The following DGKG variants were observed in gnomAD, a reference collection of about 807,000 sequenced individuals.
DGKG encodes the protein DAG kinase gamma.
A neutral mutation model predicts 105.3 loss-of-function variants in DGKG; 78 were observed. The ratio of observed to expected loss-of-function variants is 0.74; its 90% CI spans 0.62 to 0.89. DGKG has a LOEUF of 0.89. Ranked by LOEUF, DGKG falls within the 40% of genes least tolerant of loss-of-function variation. DGKG has a pLI of 0.00. For missense variants in DGKG, 958 were observed against 1,020.1 expected, an observed-to-expected ratio of 0.94 and a Z score of 0.83; for synonymous variants, 346 against 367.1, an observed-to-expected ratio of 0.94 and a Z score of 0.66.
intron 20 of DGKG, among the ~76,000 whole-genome samples, chr3:186,233,009 G>A (rs1026495052): frequency 6.6e-5 from 10 of 152,134 alleles, no homozygotes; most frequent in African/African-American, 2.2e-4. Context: ...ATAGATCCTC[G>A]AAATAAGCCT....
intron 1 of DGKG, among the ~76,000 whole-genome samples, chr3:186,351,089 A>G (rs1451359934): frequency 6.6e-6 from 1 of 152,122 alleles, no homozygotes; most frequent in Admixed American, 6.5e-5. Flanking sequence ...TTCTTCTAGG[A>G]GTCCTTTTCA....
At chr3:186,185,183 G>A (rs1191054473) in intron 22 of DGKG, among the ~76,000 whole-genome samples, 1 of 152,182 alleles carries the variant, frequency 6.6e-6, no homozygotes, top group East Asian at 1.9e-4. Flanking sequence ...TGCCTCTTTA[G>A]CTTTTCCCAT....
At position 186,320,559 on chromosome 3, in the gene DGKG, G is replaced by C; in HGVS notation, c.-100C>G. 1.3e-6 allele frequency: 2 copies of C among 1,593,826 alleles called. No homozygotes were observed. The highest frequency in any genetic ancestry group is 1.7e-6 in the Non-Finnish European group (2 of 1,168,994). ...AGGGCCTGGCTCATTGCAGGTTTGC[G>C]ATGTAAGCCTTTCAGGAGACTTCTG... On this transcript the variant is annotated 5_prime_UTR_variant, in exon 2 of 25. In the 5' UTR this introduces an upstream ATG that the reference lacks. Transcript: ENST00000265022.
intron 20 of DGKG, among the ~76,000 whole-genome samples, chr3:186,230,866 G>A (rs1025608075): frequency 1.3e-5 from 2 of 152,214 alleles, no homozygotes; most frequent in African/African-American, 2.4e-5. Context: ...CCTGGTGGGT[G>A]CAATGAGTAC....
chr3:186,301,607 A>G (rs1394364128), intron 3 of DGKG, among the ~76,000 whole-genome samples: 1 of 152,238 alleles, frequency 6.6e-6, no homozygotes, highest in Non-Finnish European at 1.5e-5. Flanking sequence ...AGCCTGGGTG[A>G]CAGAGCGAGA....
At chr3:186,296,715 G>T (rs1007630630) in intron 5 of DGKG, among the ~76,000 whole-genome samples, 1 of 152,186 alleles carries the variant, frequency 6.6e-6, no homozygotes, top group Non-Finnish European at 1.5e-5. Context: ...GAGTTTTGAG[G>T]TTGGATGATT....
At chr3:186,347,872 C>T (rs1726423025) in intron 1 of DGKG, among the ~76,000 whole-genome samples, 1 of 152,282 alleles carries the variant, frequency 6.6e-6, no homozygotes, top group African/African-American at 2.4e-5. Flanking sequence ...CATGAGCCTC[C>T]GCACCCAGCC....
chr3:186,245,358 A>G (rs1720890072), intron 19 of DGKG, among the ~76,000 whole-genome samples: 1 of 151,948 alleles, frequency 6.6e-6, no homozygotes, highest in African/African-American at 2.4e-5. Flanking sequence ...GAGGGTGAAG[A>G]CTCTGACCAC....
intron 13 of DGKG, among the ~76,000 whole-genome samples, chr3:186,266,096 A>C (rs1484156967): frequency 6.6e-6 from 1 of 152,196 alleles, no homozygotes; most frequent in African/African-American, 2.4e-5. Flanking sequence ...CTCAAATCTA[A>C]ATTGTACAGC....
rs1255825895 is a variant in DGKG, at chr3:186,235,160, G to A, written c.1826+7344C>T. On this transcript the variant is annotated intron_variant, in intron 20 of 24. Transcript: ENST00000265022. ...AGTATATAAACATTCAAGTAATTAA[G>A]TCAGTTGCTCTGTCAGAATTGACTT... Among the ~76,000 whole-genome samples the A allele has an allele frequency of 2.6e-5, 4 of 152,148 alleles. No individual in the cohort carries two copies. In the South Asian group the frequency reaches 8.3e-4, roughly 32 times the overall value.
chr3:186,175,697 C>T (rs1004317974), intron 22 of DGKG, among the ~76,000 whole-genome samples: 5 of 152,170 alleles, frequency 3.3e-5, no homozygotes, highest in Non-Finnish European at 5.9e-5. Context: ...GCACAGACTC[C>T]GCAGCCTAGA....
intron 1 of DGKG, among the ~76,000 whole-genome samples, chr3:186,348,317 G>C (rs1307381196): frequency 6.9e-6 from 1 of 145,726 alleles, no homozygotes; most frequent in Non-Finnish European, 1.5e-5. Context: ...AGAATAGTTT[G>C]AGTAAATACA....
chr3:186,194,547 TC>T (rs1020085876), intron 21 of DGKG, among the ~76,000 whole-genome samples: 1 of 152,108 alleles, frequency 6.6e-6, no homozygotes, highest in Non-Finnish European at 1.5e-5. Context: ...ACTAGGAAAT[TC>T]CCCCTTCTTC....
In DGKG at chr3:186,147,825, G is replaced by A; in HGVS notation, c.*2265C>T. 1 of 985,412 alleles carries A rather than the reference G, an allele frequency of 1.0e-6. No homozygotes were observed. Among genetic ancestry groups the A allele is most frequent in the Non-Finnish European group, 1.2e-6 (1 of 829,940 alleles). 61.0% of individuals were successfully genotyped at this position (985,412 alleles called of 1,614,324 possible). The stretch of plus-strand genomic sequence containing the variant: ...CAAACCTGAACCTGCCTCAGTTTCA[G>A]AAACAAGTGGCTTCCAAGATAGTAC... On this transcript the variant is annotated 3_prime_UTR_variant, in exon 25 of 25. Coordinates refer to ENST00000265022, the MANE Select transcript of DGKG (RefSeq NM_001346.3).
At chr3:186,300,235 A>G (rs1723857810) in intron 3 of DGKG, among the ~76,000 whole-genome samples, 1 of 152,160 alleles carries the variant, frequency 6.6e-6, no homozygotes, top group Non-Finnish European at 1.5e-5. Context: ...ACCTGCAAGT[A>G]TGTTAAATGT....
At chr3:186,250,554 A>ATTTTTTTTTTT (rs1165295513) in intron 19 of DGKG, among the ~76,000 whole-genome samples, 6 of 27,616 alleles carry the variant, frequency 2.2e-4, no homozygotes, top group Admixed American at 5.5e-4. Flanking sequence ...TAATTCTGTC[A>ATTTTTTTTTTT]TTCTTTTTTT....
intron 2 of DGKG, among the ~76,000 whole-genome samples, chr3:186,317,854 T>G (rs1724891087): frequency 6.6e-6 from 1 of 152,208 alleles, no homozygotes; most frequent in Non-Finnish European, 1.5e-5. Flanking sequence ...GCTGGATCCC[T>G]GGAGCCTGGC....
chr3:186,255,720 C>T (rs568224509), intron 17 of DGKG, among the ~76,000 whole-genome samples: 1 of 152,288 alleles, frequency 6.6e-6, no homozygotes, highest in South Asian at 2.1e-4. Context: ...TAATGGAAGC[C>T]ACTGGTGTGC....
chr3:186,347,179 C>A (rs917665684), intron 1 of DGKG, among the ~76,000 whole-genome samples: 1 of 151,782 alleles, frequency 6.6e-6, no homozygotes, highest in Non-Finnish European at 1.5e-5. Context: ...CCAGGCGGGG[C>A]GGCTCACCCC....
Sources: gnomAD v4.1 joint callset for allele counts (sites outside exome capture counted in the v4.1 genomes callset) on GRCh38, gnomAD v4.1.1 for gene constraint, MANE v1.5 for transcripts, NCBI Gene and HGNC (gene_info 2026-07-23, HGNC 2026-07-21) for gene names.